The following KIF13A variants were observed in gnomAD, a reference collection of about 807,000 sequenced individuals.
KIF13A encodes kinesin-like protein KIF13A.
Under a neutral mutation model 212.2 loss-of-function variants are expected in KIF13A, and 79 were observed. The ratio of observed to expected loss-of-function variants is 0.37; its 90% CI spans 0.31 to 0.45. The LOEUF is 0.45. Ranked by LOEUF, KIF13A falls within the 20% of genes least tolerant of loss-of-function variation. The pLI, the probability that KIF13A is intolerant of heterozygous loss-of-function variation, is 1.00. For synonymous variants in KIF13A, 789 were observed against 808.6 expected, an observed-to-expected ratio of 0.98 and a Z score of 0.41; for missense variants, 1,901 against 2,209.0, an observed-to-expected ratio of 0.86 and a Z score of 2.79.
At position 17,771,225 on chromosome 6, in the gene KIF13A, A is replaced by C. The variant is rs555651612; in HGVS notation, c.4477-7T>G. 6.3e-7 allele frequency: 1 copy of C among 1,596,664 alleles called. No homozygotes were observed. The highest frequency in any genetic ancestry group is 1.1e-5 in the South Asian group (1 of 89,820). ...CCTGAGGTGGAGGCATGCTCTGCAAAGGTTAAGACACACAGATGCATCACA... is the reference window on the plus strand; with the variant it reads ...CCTGAGGTGGAGGCATGCTCTGCAACGGTTAAGACACACAGATGCATCACA... On this transcript the variant is annotated splice_polypyrimidine_tract_variant and splice_region_variant and intron_variant, in intron 37 of 38. Coordinates refer to ENST00000259711, the MANE Select transcript of KIF13A (RefSeq NM_022113.6). This position sits in a 1 kb window ranked among gnomAD's most constrained non-coding sequence, Gnocchi z 5.4.
intron 14 of KIF13A, among the ~76,000 whole-genome samples, chr6:17,827,512 T>C (rs1410918566): frequency 2.3e-5 from 3 of 131,106 alleles, no homozygotes; most frequent in African/African-American, 8.2e-5. Flanking sequence ...TTATTCTCTC[T>C]ACATTTTTTT....
At position 17,786,374 on chromosome 6, in the gene KIF13A, A is replaced by C. The variant is rs903581867; in HGVS notation, c.3362-733T>G. The stretch of plus-strand genomic sequence containing the variant: ...AGCACTTTTGGAGGCCGAGGTGGGC[A>C]GATCTCCTGAGGTCAGGAGTTCAAA... On this transcript the variant is annotated intron_variant, in intron 27 of 38. Transcript: ENST00000259711. This position sits in a 1 kb window ranked among gnomAD's most constrained non-coding sequence, Gnocchi z 5.4. Among the ~76,000 whole-genome samples, 1 of 152,126 alleles carries C rather than the reference A, an allele frequency of 6.6e-6. No individual in the cohort carries two copies. The highest frequency in any genetic ancestry group is 2.4e-5 in the African/African-American group (1 of 41,442).
At chr6:17,835,015 C>T (rs1765797033) in intron 11 of KIF13A, among the ~76,000 whole-genome samples, 1 of 151,594 alleles carries the variant, frequency 6.6e-6, no homozygotes, top group Non-Finnish European at 1.5e-5. Flanking sequence ...CCTGTCTCTA[C>T]TAAAAATACA....
At position 17,963,854 on chromosome 6, in the gene KIF13A, C is replaced by T. The variant is rs76830931; in HGVS notation, c.146+23200G>A. Among the ~76,000 whole-genome samples, 615 of 152,258 alleles carry T rather than the reference C, an allele frequency of 4.0e-3. 5 individuals carry two copies. Among genetic ancestry groups the T allele is most frequent in the Non-Finnish European group, 7.0e-3 (478 of 68,030 alleles). On this transcript the variant is annotated intron_variant, in intron 2 of 38. Transcript: ENST00000259711. The surrounding 1 kb of genome is among the most constrained non-coding windows in gnomAD (Gnocchi z 4.1). ...ACGGGCGTGAGCCACCATGCCTGGC[C>T]AATATGTTCTATATCTTAATGGTGA...
rs778818169 is a variant in KIF13A, at chr6:17,817,126, G to A, written c.1894C>T (p.Arg632Cys). The A allele has an allele frequency of 3.1e-6, 5 of 1,613,890 alleles. No homozygotes were observed. Among genetic ancestry groups the A allele is most frequent in the East Asian group, 4.5e-5 (2 of 44,896 alleles). Reference sequence around the variant, plus strand: ...TGCCTGTCGGGGGAGAGCTGCTGGCGGAGTTGCTCCAGTTCCCGCTCATAC... The same window carrying A: ...TGCCTGTCGGGGGAGAGCTGCTGGCAGAGTTGCTCCAGTTCCCGCTCATAC... ...LMYERELEQL[R>C]QQLSPDRQPQ... The change falls in exon 17 of 39, where the codon CGC becomes TGC. Residue 632 changes from arginine to cysteine, a missense_variant. Arg to Cys is a radical substitution (Grantham distance 180). This residue lies in a region of KIF13A where 534 missense variants were observed against 536.9 expected (regional missense o/e 0.99). Transcript: ENST00000259711.
chr6:17,859,959 A>G (rs1168628942), intron 4 of KIF13A, among the ~76,000 whole-genome samples: 3 of 151,984 alleles, frequency 2.0e-5, no homozygotes, highest in African/African-American at 7.2e-5. Context: ...AGTAGGTATG[A>G]ATTATGACTG....
At position 17,849,573 on chromosome 6, in the gene KIF13A, G is replaced by C; in HGVS notation, c.718-84C>G. On this transcript the variant is annotated intron_variant, in intron 8 of 38. Coordinates refer to ENST00000259711, the MANE Select transcript of KIF13A (RefSeq NM_022113.6). This position sits in a 1 kb window ranked among gnomAD's most constrained non-coding sequence, Gnocchi z 5.7. The stretch of plus-strand genomic sequence containing the variant: ...CTACATATATGTTAGCACTATAATT[G>C]AGCAATCCATCCCACTCTCATATGG... 1 of 937,698 alleles carries C rather than the reference G, an allele frequency of 1.1e-6. No homozygotes were observed. Among genetic ancestry groups the C allele is most frequent in the Non-Finnish European group, 1.6e-6 (1 of 613,538 alleles). The allele number at this position is 937,698 out of a possible 1,614,324, so 58.1% of individuals were successfully genotyped here.
At chr6:17,952,718 C>G (rs1219884806) in intron 2 of KIF13A, among the ~76,000 whole-genome samples, 1 of 152,048 alleles carries the variant, frequency 6.6e-6, no homozygotes, top group Non-Finnish European at 1.5e-5. Context: ...ATCACGAGGT[C>G]AGGAGATTGA....
rs1774716306 is a variant in KIF13A, at chr6:17,918,139, C to T, written c.147-19959G>A. Among the ~76,000 whole-genome samples the T allele has an allele frequency of 6.6e-6, 1 of 151,986 alleles. No homozygotes were observed. The highest frequency in any genetic ancestry group is 1.5e-5 in the Non-Finnish European group (1 of 68,008). On this transcript the variant is annotated intron_variant, in intron 2 of 38. Transcript: ENST00000259711. The surrounding 1 kb of genome is among the most constrained non-coding windows in gnomAD (Gnocchi z 4.8). ...TCTGCCCTGCTTGGTGTCATGGACC[C>T]CACACCAGGCACATGGTAAGCACCT... is the stretch of plus-strand genomic sequence containing the variant.
chr6:17,771,705 AAAT>A lies in KIF13A; in HGVS notation c.4476+200_4476+202del. Reference sequence around the variant, plus strand: ...ACTTTGAAAAGCCATAAACACAAAGAAATAAAACCACAGCAGCAACAACAAACA... The same window carrying A: ...ACTTTGAAAAGCCATAAACACAAAGAAAAACCACAGCAGCAACAACAAACA... On this transcript the variant is annotated intron_variant, in intron 37 of 38. Transcript: ENST00000259711. The surrounding 1 kb of genome is among the most constrained non-coding windows in gnomAD (Gnocchi z 5.4). The A allele has an allele frequency of 2.0e-6, 1 of 496,110 alleles. No homozygotes were observed. 30.7% of individuals were successfully genotyped at this position (496,110 alleles called of 1,614,324 possible). A position where few individuals can be genotyped will look rare whatever the true frequency, so the allele number is the denominator to read the frequency against.
At chr6:17,763,475 CA>C (rs67357010), downstream of KIF13A, among the ~76,000 whole-genome samples, 165 of 75,754 alleles carry the variant, frequency 2.2e-3, no homozygotes, top group African/African-American at 6.7e-3. Flanking sequence ...CACTCCATCT[CA>C]AAAAAAAAAA....
chr6:17,877,106 A>G (rs1028204604), intron 3 of KIF13A, among the ~76,000 whole-genome samples: 2 of 149,592 alleles, frequency 1.3e-5, no homozygotes, highest in African/African-American at 4.9e-5. Context: ...ACATTATAAA[A>G]GACTAGTAAG....
chr6:17,983,496 T>TG (rs1781283820), intron 2 of KIF13A, among the ~76,000 whole-genome samples: 1 of 103,416 alleles, frequency 9.7e-6, no homozygotes, highest in South Asian at 3.2e-4. Context: ...TGCTGCTGCT[T>TG]TTTTTTTTTT....
At chr6:17,840,277 C>T (rs576629917) in intron 9 of KIF13A, among the ~76,000 whole-genome samples, 1 of 152,172 alleles carries the variant, frequency 6.6e-6, no homozygotes, top group South Asian at 2.1e-4. Flanking sequence ...TCCAATCACT[C>T]CTCCAAAGGT....
intron 2 of KIF13A, among the ~76,000 whole-genome samples, chr6:17,957,534 C>T (rs1778441487): frequency 6.6e-6 from 1 of 152,196 alleles, no homozygotes; most frequent in Non-Finnish European, 1.5e-5. Context: ...AAGAAGGGGT[C>T]CTGGAAACCC....
intron 18 of KIF13A, among the ~76,000 whole-genome samples, chr6:17,806,360 TA>T (rs978371606): frequency 4.1e-4 from 62 of 152,224 alleles, no homozygotes; most frequent in African/African-American, 1.5e-3. Flanking sequence ...AAGTCCACTA[TA>T]AGCATCCTTG....
At chr6:17,863,330 G>A (rs944821353) in intron 4 of KIF13A, among the ~76,000 whole-genome samples, 1 of 151,860 alleles carries the variant, frequency 6.6e-6, no homozygotes, top group Admixed American at 6.6e-5. Context: ...ACTGGGGCCA[G>A]GGTATGCTAA....
At chr6:17,981,426 C>CTTTTTTTT (rs565958562) in intron 2 of KIF13A, among the ~76,000 whole-genome samples, 29 of 134,280 alleles carry the variant, frequency 2.2e-4, no homozygotes, top group East Asian at 4.3e-4. Flanking sequence ...TTTCTTTTTT[C>CTTTTTTTT]TTTTTTTTTT....
intron 4 of KIF13A, among the ~76,000 whole-genome samples, chr6:17,866,811 A>C (rs1769412789): frequency 7.0e-6 from 1 of 142,272 alleles, no homozygotes. Flanking sequence ...AGTAAAGGGG[A>C]GAACAAAAAA....
Sources: gnomAD v4.1 joint callset for allele counts (sites outside exome capture counted in the v4.1 genomes callset) on GRCh38, gnomAD v4.1.1 for gene constraint, gnomAD v4.1.1 regional missense constraint, Gnocchi (gnomAD v3.1) non-coding constraint, MANE v1.5 for transcripts, NCBI Gene and HGNC (gene_info 2026-07-23, HGNC 2026-07-21) for gene names.